The following GPC3 variants were observed in gnomAD, a reference collection of about 807,000 sequenced individuals.
GPC3 encodes the protein glypican-3.
In GPC3, 3 loss-of-function variants were observed where a neutral mutation model predicts 34.4. The ratio of observed to expected loss-of-function variants is 0.09; its 90% CI spans 0.04 to 0.23. The LOEUF is 0.23. GPC3 is among the 10% of genes least tolerant of loss of function. GPC3 has a pLI of 1.00. For missense variants in GPC3, 351 were observed against 445.6 expected (o/e 0.79, Z 1.91); for synonymous variants, 177 against 174.0 (o/e 1.02, Z -0.13).
intron 6 of GPC3, among the ~76,000 whole-genome samples, chrX:133,657,539 T>C (rs761253552): frequency 2.0e-4 from 22 of 111,210 alleles, no homozygotes; most frequent in Non-Finnish European, 4.0e-4. Context: ...TCACACAAAT[T>C]AGAAACTGAA....
intron 6 of GPC3, among the ~76,000 whole-genome samples, chrX:133,618,347 A>G (rs1425504540): frequency 8.9e-6 from 1 of 112,107 alleles, no homozygotes; most frequent in African/African-American, 3.2e-5. Flanking sequence ...ATACAAATGA[A>G]TGAATAAATG....
intron 2 of GPC3, among the ~76,000 whole-genome samples, chrX:133,789,325 A>G (rs915681021): frequency 3.6e-5 from 4 of 111,940 alleles, no homozygotes; most frequent in African/African-American, 9.7e-5. Flanking sequence ...TAAATCATCT[A>G]TATGTGCAAT....
In GPC3 at chrX:133,609,451, G is replaced by A. The variant is rs185526816; in HGVS notation, c.1414-12852C>T. On this transcript the variant is annotated intron_variant, in intron 6 of 7. Coordinates refer to ENST00000370818, the MANE Select transcript of GPC3 (RefSeq NM_004484.4). ...ATTGAACAGAACTGCTGGTATTTTC[G>A]AATAGGAAAGGAATTTGAGCCCTGC... is the stretch of plus-strand genomic sequence containing the variant. 2.8e-4 allele frequency among the ~76,000 whole-genome samples: 31 copies of A among 112,383 alleles called. 1 individual carries two copies. The East Asian group carries it at 7.0e-3, about 25-fold the overall frequency.
chrX:133,882,067 T>C (rs2076044021), intron 2 of GPC3, among the ~76,000 whole-genome samples: 1 of 112,278 alleles, frequency 8.9e-6, no homozygotes, highest in South Asian at 3.7e-4. Context: ...TCCTGTGGAA[T>C]GTATGGCTAA....
At chrX:133,582,655 T>C (rs115699023) in intron 7 of GPC3, among the ~76,000 whole-genome samples, 1,518 of 112,066 alleles carry the variant, frequency 0.014, 37 homozygotes, top group African/African-American at 0.047. Flanking sequence ...TTTCTTTTTC[T>C]GGTAATTTAG....
chrX:133,595,016 G>A (rs938816345), intron 7 of GPC3, among the ~76,000 whole-genome samples: 13 of 110,870 alleles, frequency 1.2e-4, no homozygotes, highest in Non-Finnish European at 1.9e-4. Flanking sequence ...GTGTGAAAGC[G>A]CCATTGCACT....
At chrX:133,638,824 A>AAAAAAAAAAAAAG (rs1556209001) in intron 6 of GPC3, among the ~76,000 whole-genome samples, 1,698 of 105,755 alleles carry the variant, frequency 0.016, 41 homozygotes, top group African/African-American at 0.059. Flanking sequence ...GATGAGCTAA[A>AAAAAAAAAAAAAG]AAAAAAAAAA....
At chrX:133,624,855 CAA>C (rs1332997986) in intron 6 of GPC3, among the ~76,000 whole-genome samples, 2 of 98,294 alleles carry the variant, frequency 2.0e-5, no homozygotes, top group Admixed American at 1.1e-4. Flanking sequence ...AGTGACACAA[CAA>C]AAAAAAAAAG....
At chrX:133,689,781 C>G (rs1230634991) in intron 5 of GPC3, among the ~76,000 whole-genome samples, 1 of 111,251 alleles carries the variant, frequency 9.0e-6, no homozygotes, top group Non-Finnish European at 1.9e-5. Flanking sequence ...AATAAGAAAC[C>G]ATGGTTAGAA....
intron 2 of GPC3, among the ~76,000 whole-genome samples, chrX:133,764,155 C>A (rs780593502): frequency 3.0e-4 from 34 of 111,818 alleles, no homozygotes; most frequent in African/African-American, 9.1e-4. Flanking sequence ...TTATCCTAAG[C>A]AAACTAATGC....
At chrX:133,795,262 A>G (rs2075572518) in intron 2 of GPC3, among the ~76,000 whole-genome samples, 1 of 112,960 alleles carries the variant, frequency 8.9e-6, no homozygotes, top group South Asian at 3.7e-4. Context: ...TTCAGGAACA[A>G]TGTCCTTTGG....
At chrX:133,665,780 G>T (rs1455312094) in intron 5 of GPC3, among the ~76,000 whole-genome samples, 4 of 111,649 alleles carry the variant, frequency 3.6e-5, no homozygotes, top group Non-Finnish European at 7.5e-5. Context: ...ATATAATGCG[G>T]TCTGTTTAAA....
intron 2 of GPC3, among the ~76,000 whole-genome samples, chrX:133,772,640 C>T (rs1005860082): frequency 1.8e-5 from 2 of 111,922 alleles, no homozygotes; most frequent in Admixed American, 9.5e-5. Flanking sequence ...TCATGGTTAA[C>T]GTGATGTCAG....
rs1341945870 is a variant in GPC3, at chrX:133,554,652, C to T, written c.1574-18359G>A. On this transcript the variant is annotated intron_variant, in intron 7 of 7. Coordinates refer to ENST00000370818, the MANE Select transcript of GPC3 (RefSeq NM_004484.4). ...TCACCTTTAGTTACCTGTTTCTAAC[C>T]GTCCTCCCCACCAAACTACTCACCC... 3.6e-5 allele frequency among the ~76,000 whole-genome samples: 4 copies of T among 110,483 alleles called. No individual in the cohort carries two copies. The South Asian group carries it at 1.2e-3, about 33-fold the overall frequency.
intron 1 of GPC3, among the ~76,000 whole-genome samples, chrX:133,981,661 AT>A (rs2076539894): frequency 8.9e-6 from 1 of 112,396 alleles, no homozygotes; most frequent in African/African-American, 3.2e-5. Flanking sequence ...CTCTCTGGAC[AT>A]TAGGACCGCT....
intron 3 of GPC3, among the ~76,000 whole-genome samples, chrX:133,727,186 G>T (rs1326517644): frequency 9.0e-6 from 1 of 111,678 alleles, no homozygotes; most frequent in East Asian, 2.8e-4. Context: ...TTAATAAGCT[G>T]CAGTTCCCTT....
chrX:133,890,811 G>A (rs2124589833), intron 2 of GPC3, among the ~76,000 whole-genome samples: 1 of 100,536 alleles, frequency 9.9e-6, no homozygotes, highest in East Asian at 3.2e-4. Flanking sequence ...AGTGAGCCGA[G>A]ATCATCCCAC....
chrX:133,931,805 T>C (rs751382216), intron 2 of GPC3, among the ~76,000 whole-genome samples: 41 of 111,807 alleles, frequency 3.7e-4, no homozygotes, highest in Non-Finnish European at 7.0e-4. Flanking sequence ...TGTTACACTA[T>C]TGGCTTCATA....
At chrX:133,950,174 C>T (rs2076386002) in intron 2 of GPC3, among the ~76,000 whole-genome samples, 1 of 111,804 alleles carries the variant, frequency 8.9e-6, no homozygotes, top group South Asian at 3.8e-4. Flanking sequence ...TTTTACTAAG[C>T]ACATCTAAGT....
Sources: gnomAD v4.1 joint callset for allele counts (sites outside exome capture counted in the v4.1 genomes callset) on GRCh38, gnomAD v4.1.1 for gene constraint, MANE v1.5 for transcripts, NCBI Gene and HGNC (gene_info 2026-07-23, HGNC 2026-07-21) for gene names.